SSPN: variants seen among roughly 807,000 people sequenced by gnomAD.
SSPN encodes sarcospan.
SSPN carries 15 observed loss-of-function variants against 19.1 expected under a neutral mutation model. The ratio of observed to expected loss-of-function variants is 0.78; its 90% CI spans 0.52 to 1.21. The LOEUF (loss-of-function observed/expected upper bound fraction) is 1.21. Among genes scored for constraint, SSPN ranks in the 50% most tolerant of loss-of-function variants. The probability of loss-of-function intolerance (pLI) is 0.00; values close to 1 mark genes in which losing one functional copy is unlikely to be tolerated. For synonymous variants in SSPN, 147 were observed against 140.3 expected, an observed-to-expected ratio of 1.05 and a Z score of -0.34; for missense variants, 291 against 314.0, an observed-to-expected ratio of 0.93 and a Z score of 0.55.
upstream of SSPN, among the ~76,000 whole-genome samples, chr12:26,191,036 C>G (rs575874895): frequency 1.3e-5 from 2 of 152,324 alleles, no homozygotes; most frequent in East Asian, 3.9e-4. Context: ...TGGTTTCTTT[C>G]ACTCAGCACA....
At chr12:26,124,688 C>T (rs1944347358) in intron 1 of SSPN, 1 of 1,613,754 alleles carries the variant, frequency 6.2e-7, no homozygotes, top group Non-Finnish European at 8.5e-7. Flanking sequence ...AAAGCCTAGA[C>T]AGATATTCGC....
chr12:26,168,341 A>T (rs922476535), intron 1 of SSPN, among the ~76,000 whole-genome samples: 2 of 152,214 alleles, frequency 1.3e-5, no homozygotes, highest in African/African-American at 4.8e-5. Context: ...AGGAAAGATG[A>T]ACAAAAGAAG....
chr12:26,152,365 A>G (rs1182194709), intron 1 of SSPN, among the ~76,000 whole-genome samples: 2 of 152,210 alleles, frequency 1.3e-5, no homozygotes, highest in Admixed American at 1.3e-4. Flanking sequence ...AGTTTTAGGC[A>G]TGCGTTACTT....
intron 1 of SSPN, among the ~76,000 whole-genome samples, chr12:26,172,475 A>G (rs1419437998): frequency 6.6e-6 from 1 of 152,182 alleles, no homozygotes; most frequent in Non-Finnish European, 1.5e-5. Context: ...GTGTCTAACA[A>G]GTCTCTGATG....
At chr12:26,135,828 C>A (rs894966094) in intron 1 of SSPN, among the ~76,000 whole-genome samples, 2 of 152,136 alleles carry the variant, frequency 1.3e-5, no homozygotes, top group Non-Finnish European at 2.9e-5. Context: ...CAGTGGTGAT[C>A]CAGCTGAGAT....
intron 1 of SSPN, among the ~76,000 whole-genome samples, chr12:26,153,813 G>A (rs1944539782): frequency 6.6e-6 from 1 of 152,202 alleles, no homozygotes; most frequent in Non-Finnish European, 1.5e-5. Context: ...CAGGAATATT[G>A]TGGGTGTGCT....
chr12:26,137,546 A>G (rs1441973277), intron 1 of SSPN, among the ~76,000 whole-genome samples: 2 of 148,154 alleles, frequency 1.3e-5, no homozygotes, highest in Non-Finnish European at 3.0e-5. Context: ...GGTGACTAGT[A>G]TTTCTGACAC....
chr12:26,223,512 A>G (rs1945144997), intron 1 of SSPN, among the ~76,000 whole-genome samples: 8 of 152,068 alleles, frequency 5.3e-5, no homozygotes, highest in Admixed American at 5.2e-4. Flanking sequence ...ACCCGCTTAT[A>G]TGTCATTGTT....
chr12:26,224,944 C>A (rs1242533995), intron 2 of SSPN, among the ~76,000 whole-genome samples: 1 of 151,970 alleles, frequency 6.6e-6, no homozygotes, highest in African/African-American at 2.4e-5. Context: ...GGAGCCAATT[C>A]AAGTACACAG....
At chr12:26,122,793 C>A in intron 1 of SSPN, 1 of 1,591,832 alleles carries the variant, frequency 6.3e-7, no homozygotes, top group South Asian at 1.1e-5. Flanking sequence ...GCCGCCGTAG[C>A]CGCTGTCGGT....
At chr12:26,212,809 G>A (rs146346275) in intron 1 of SSPN, among the ~76,000 whole-genome samples, 1 of 152,234 alleles carries the variant, frequency 6.6e-6, no homozygotes, top group Non-Finnish European at 1.5e-5. Flanking sequence ...TTTGTTCACA[G>A]TGAAAAAGAA....
chr12:26,213,912 C>G (rs186330297), intron 1 of SSPN, among the ~76,000 whole-genome samples: 1,590 of 152,176 alleles, frequency 0.01, 11 homozygotes, highest in Non-Finnish European at 0.013. Flanking sequence ...ATTTTTCTCT[C>G]TTCTTTTCAC....
At chr12:26,226,373 A>T (rs1169931245) in intron 2 of SSPN, among the ~76,000 whole-genome samples, 1 of 152,040 alleles carries the variant, frequency 6.6e-6, no homozygotes, top group Non-Finnish European at 1.5e-5. Context: ...TTGTTAGAGG[A>T]TTTATTTCCT....
chr12:26,205,997 A>T (rs1531649), intron 1 of SSPN, among the ~76,000 whole-genome samples: 29,418 of 152,086 alleles, frequency 0.19, 3,000 homozygotes, highest in African/African-American at 0.24. Context: ...AGGAATTTTT[A>T]AATGCACATA....
intron 1 of SSPN, among the ~76,000 whole-genome samples, chr12:26,181,647 C>G (rs1016065024): frequency 6.6e-6 from 1 of 152,084 alleles, no homozygotes; most frequent in Non-Finnish European, 1.5e-5. Flanking sequence ...GCACTTTTGT[C>G]TTTTTCTTTC....
chr12:26,182,952 GAC>G (rs1446540144), intron 1 of SSPN, among the ~76,000 whole-genome samples: 1 of 151,886 alleles, frequency 6.6e-6, no homozygotes, highest in Non-Finnish European at 1.5e-5. Flanking sequence ...TTTTAGTAGA[GAC>G]AGAATTTTAC....
chr12:26,143,261 T>A (rs1219494138), intron 1 of SSPN, among the ~76,000 whole-genome samples: 2 of 152,224 alleles, frequency 1.3e-5, no homozygotes, highest in African/African-American at 4.8e-5. Context: ...TAGTGTATCA[T>A]CTTAATATAC....
At chr12:26,169,147 T>C (rs993972998) in intron 1 of SSPN, among the ~76,000 whole-genome samples, 4 of 152,170 alleles carry the variant, frequency 2.6e-5, no homozygotes, top group African/African-American at 9.7e-5. Context: ...ATTTCTTTAT[T>C]TCTTTAGTTT....
chr12:26,160,875 A>AG (rs756457140), intron 1 of SSPN, among the ~76,000 whole-genome samples: 3 of 152,076 alleles, frequency 2.0e-5, no homozygotes, highest in African/African-American at 4.8e-5. Context: ...TGGGAGGCCA[A>AG]GGGGGGCAGA....
Sources: allele counts gnomAD v4.1 joint callset (sites outside exome capture counted in the v4.1 genomes callset), GRCh38; gene constraint gnomAD v4.1.1; transcripts MANE v1.5; gene names NCBI Gene and HGNC (gene_info 2026-07-23, HGNC 2026-07-21).